Variants in SLC17A3 observed in about 807,000 individuals in gnomAD.
SLC17A3 encodes the protein sodium-dependent phosphate transport protein 4.
A neutral mutation model predicts 60.3 loss-of-function variants in SLC17A3; 61 were observed. The ratio of observed to expected loss-of-function variants is 1.01; its 90% confidence interval spans 0.82 to 1.25. The LOEUF (loss-of-function observed/expected upper bound fraction) is 1.25, where lower values mean the gene tolerates loss of function less well. SLC17A3 is among the 50% of genes most tolerant of loss of function. The probability of loss-of-function intolerance (pLI) is 0.00; values close to 1 mark genes in which losing one functional copy is unlikely to be tolerated. For missense variants in SLC17A3, 624 were observed against 594.9 expected (o/e 1.05, Z -0.51); for synonymous variants, 192 against 208.9 (o/e 0.92, Z 0.70).
rs1449140191 is a variant in SLC17A3 at position 25,861,987 on chromosome 6, A to T, written c.346T>A (p.Phe116Ile). The change falls in exon 4 of 13, where the codon TTT becomes ATT. Residue 116 changes from phenylalanine (F) to isoleucine (I), a missense_variant. Phe to Ile is a conservative substitution (Grantham distance 21). Coordinates refer to ENST00000397060, the MANE Select transcript of SLC17A3 (RefSeq NM_001098486.2). ...ATGCCACCATAGCCAACAGCACCAAAGATGATGCCTTGGATTTGAGGAGAC... is the reference window on the plus strand; with the variant it reads ...ATGCCACCATAGCCAACAGCACCAATGATGATGCCTTGGATTTGAGGAGAC... Reference protein sequence around the residue: ...DWSPQIQGIIFGAVGYGGILT... With the variant: ...DWSPQIQGIIIGAVGYGGILT... The T allele has an allele frequency of 1.2e-6, 2 of 1,611,250 alleles. No homozygotes were observed. Among genetic ancestry groups the T allele is most frequent in the Non-Finnish European group, 1.7e-6 (2 of 1,178,778 alleles).
At chr6:25,848,543 C>T (rs1259837217) in intron 11 of SLC17A3, among the ~76,000 whole-genome samples, 1 of 152,020 alleles carries the variant, frequency 6.6e-6, no homozygotes, top group Non-Finnish European at 1.5e-5. Flanking sequence ...AATTGGAAAG[C>T]CACATGTAGG....
Position 25,849,819 on chromosome 6 carries a change from T to G in SLC17A3, c.1257A>C (p.Leu419Phe). 1 of 1,613,818 alleles carries G rather than the reference T, an allele frequency of 6.2e-7. No homozygotes were observed. The highest frequency in any genetic ancestry group is 8.5e-7 in the Non-Finnish European group (1 of 1,179,728). Residue 419 changes from leucine to phenylalanine, a missense_variant, in exon 10 of 13, where the codon TTA (leucine) becomes TTC (phenylalanine). Coordinates refer to ENST00000397060, the MANE Select transcript of SLC17A3 (RefSeq NM_001098486.2). ...LCQSGIYINV[L>F]DIAPRYSSFL... ...CAGAGTCCTACCTTGGAGCAATATC[T>G]AAGACATTGATATAAATCCCTGACT...
chr6:25,866,277 T>A (rs1365419350), intron 2 of SLC17A3, among the ~76,000 whole-genome samples: 1 of 151,944 alleles, frequency 6.6e-6, no homozygotes, highest in Non-Finnish European at 1.5e-5. Context: ...ACCACAAACA[T>A]CCTCTAAGAC....
Position 25,850,077 on chromosome 6 carries a change from A to G in SLC17A3, c.1094T>C (p.Ile365Thr), listed in dbSNP as rs758093640. 2 of 1,613,996 alleles carry G rather than the reference A, an allele frequency of 1.2e-6. No homozygotes were observed. Among genetic ancestry groups the G allele is most frequent in the South Asian group, 2.2e-5 (2 of 91,074 alleles). The change falls in exon 9 of 13, where the codon ATC (isoleucine) becomes ACC (threonine). Residue 365 changes from isoleucine (I) to threonine (T), a missense_variant. Ile to Thr is a moderately conservative substitution (Grantham distance 89, BLOSUM62 -1). Transcript: ENST00000397060. ...DFLLTKKFRL[I>T]TVRKIATILG... ...AATTGTGGCAATTTTCCTCACAGTG[A>G]TGAGTCTAAACTTTTTGGTTAGAAG...
chr6:25,861,728 T>C lies in SLC17A3; in HGVS notation c.538-17A>G, dbSNP rs1765450940. ...TATTGAGGACTGAAATTAAAATGAT[T>C]AGAGTTCTTAATGTGTGGTGCCATG... On this transcript the variant is annotated splice_polypyrimidine_tract_variant and intron_variant, in intron 4 of 12. Transcript: ENST00000397060. 1 of 1,612,854 alleles carries C rather than the reference T, an allele frequency of 6.2e-7. No homozygotes were observed. The highest frequency in any genetic ancestry group is 1.3e-5 in the African/African-American group (1 of 74,910).
At chr6:25,862,095 T>C in intron 3 of SLC17A3, 66 bp from the exon 4 acceptor site, 1 of 1,423,502 alleles carries the variant, frequency 7.0e-7, no homozygotes, top group Non-Finnish European at 9.7e-7. Flanking sequence ...CCTAGAAAGC[T>C]CCTTTAGACC....
intron 2 of SLC17A3, among the ~76,000 whole-genome samples, chr6:25,865,842 T>C (rs1436516969): frequency 6.6e-6 from 1 of 152,120 alleles, no homozygotes. Flanking sequence ...TGTGGGTCTG[T>C]ATGCATGTGA....
In SLC17A3 at chr6:25,850,443, A is replaced by T. The variant is rs373860618; in HGVS notation, c.993+16T>A. The T allele has an allele frequency of 1.2e-6, 2 of 1,612,600 alleles. No homozygotes were observed. Among genetic ancestry groups the T allele is most frequent in the African/African-American group, 2.7e-5 (2 of 74,828 alleles). ...CCATGCAAGCAGGAGAAAGGAAGGG[A>T]AGGAAACATACTCACGTCTCTGATG... On this transcript the variant is annotated intron_variant, in intron 8 of 12. Coordinates refer to ENST00000397060, the MANE Select transcript of SLC17A3 (RefSeq NM_001098486.2).
At chr6:25,858,246 C>G (rs1256182622) in intron 5 of SLC17A3, among the ~76,000 whole-genome samples, 1 of 152,160 alleles carries the variant, frequency 6.6e-6, no homozygotes, top group Non-Finnish European at 1.5e-5. Context: ...ATTTCTCTGC[C>G]TCTCTTCAAG....
intron 5 of SLC17A3, 149 bp from the exon 6 acceptor site, chr6:25,855,379 A>G (rs1279989747): frequency 1.6e-6 from 1 of 641,764 alleles, no homozygotes; most frequent in Non-Finnish European, 2.8e-6. Flanking sequence ...TTTATGATTT[A>G]AGAACATATA....
intron 11 of SLC17A3, among the ~76,000 whole-genome samples, chr6:25,846,650 GCC>G (rs1420911007): frequency 6.6e-6 from 1 of 151,954 alleles, no homozygotes; most frequent in Non-Finnish European, 1.5e-5. Context: ...TCACTTTGTC[GCC>G]CAGGCTGGAG....
intron 2 of SLC17A3, 90 bp from the exon 3 acceptor site, chr6:25,862,534 C>CT (rs1765469528): frequency 9.7e-7 from 1 of 1,030,618 alleles, no homozygotes. Flanking sequence ...TACCTGATCA[C>CT]TTAACGATTT....
intron 5 of SLC17A3, among the ~76,000 whole-genome samples, chr6:25,857,845 T>C (rs1298275879): frequency 6.6e-6 from 1 of 152,200 alleles, no homozygotes; most frequent in Non-Finnish European, 1.5e-5. Context: ...GACAGGTTCC[T>C]GCATTGCATC....
chr6:25,852,063 A>C (rs1765286951), intron 6 of SLC17A3, among the ~76,000 whole-genome samples: 1 of 150,622 alleles, frequency 6.6e-6, no homozygotes, highest in African/African-American at 2.4e-5. Flanking sequence ...TGTTTTTGAA[A>C]CTTTTTTTTT....
chr6:25,869,382 C>T (rs1006871755), intron 1 of SLC17A3, among the ~76,000 whole-genome samples: 17 of 151,898 alleles, frequency 1.1e-4, no homozygotes, highest in African/African-American at 3.4e-4. Flanking sequence ...TCCTCTTAAA[C>T]GTCTAAGCAC....
At chr6:25,864,704 G>T (rs1765507450) in intron 2 of SLC17A3, among the ~76,000 whole-genome samples, 1 of 151,944 alleles carries the variant, frequency 6.6e-6, no homozygotes, top group Non-Finnish European at 1.5e-5. Flanking sequence ...ATGCCTCTTA[G>T]GCACCAAAGA....
intron 6 of SLC17A3, among the ~76,000 whole-genome samples, chr6:25,853,378 T>C (rs1208394936): frequency 6.6e-6 from 1 of 151,814 alleles, no homozygotes; most frequent in East Asian, 1.9e-4. Flanking sequence ...AAATCTCTTT[T>C]TTGGTTTAAA....
intron 11 of SLC17A3, 147 bp downstream of exon 11, chr6:25,849,227 A>G: frequency 1.5e-6 from 1 of 660,886 alleles, no homozygotes; most frequent in Non-Finnish European, 2.7e-6. Flanking sequence ...CAAAGAAATG[A>G]TTCTATATTT....
chr6:25,853,909 G>A (rs1277514141), intron 6 of SLC17A3, among the ~76,000 whole-genome samples: 1 of 151,788 alleles, frequency 6.6e-6, no homozygotes, highest in Non-Finnish European at 1.5e-5. Flanking sequence ...TTGATATATT[G>A]ATTTTCATTT....
Sources: gnomAD v4.1 joint callset for allele counts (sites outside exome capture counted in the v4.1 genomes callset) on GRCh38, gnomAD v4.1.1 for gene constraint, MANE v1.5 for transcripts, NCBI Gene and HGNC (gene_info 2026-07-23, HGNC 2026-07-21) for gene names.